The following RNFT2 variants were observed in gnomAD, a reference collection of about 807,000 sequenced individuals.
RNFT2 encodes the protein ring finger protein, transmembrane 2.
A neutral mutation model predicts 53.0 loss-of-function variants in RNFT2; 36 were observed. The observed-to-expected ratio is 0.68, with a 90% confidence interval of 0.52 to 0.90. The LOEUF is 0.90. Among genes scored for constraint, RNFT2 ranks in the 40% least tolerant of loss-of-function variants. The probability of loss-of-function intolerance (pLI) is 0.00; values close to 1 mark genes in which losing one functional copy is unlikely to be tolerated. For synonymous variants in RNFT2, 260 were observed against 253.2 expected (o/e 1.03, Z -0.26); for missense variants, 514 against 585.6 (o/e 0.88, Z 1.26).
Position 116,803,278 on chromosome 12 carries a change from GT to G in RNFT2, c.882+23934del, listed in dbSNP as rs930429055. Among the ~76,000 whole-genome samples the G allele has an allele frequency of 5.5e-4, 83 of 152,238 alleles. 1 individual carries two copies. Among genetic ancestry groups the G allele is most frequent in the African/African-American group, 1.8e-3 (76 of 41,528 alleles). ...CGACACCACCTGCCACGGGGGTGAT[GT>G]TTTATACTCTCCCTCCTCTTGTTCC... On this transcript the variant is annotated intron_variant, in intron 7 of 10. Coordinates refer to ENST00000257575, the MANE Select transcript of RNFT2 (RefSeq NM_001382266.1).
chr12:116,773,946 A>T (rs1456498469), intron 6 of RNFT2, among the ~76,000 whole-genome samples: 2 of 152,370 alleles, frequency 1.3e-5, no homozygotes, highest in South Asian at 2.1e-4. Flanking sequence ...ATGTACATAC[A>T]GTGGAATATT....
chr12:116,819,469 G>T (rs1319567716), intron 7 of RNFT2, among the ~76,000 whole-genome samples: 2 of 152,078 alleles, frequency 1.3e-5, no homozygotes, highest in Admixed American at 1.3e-4. Context: ...ATGAGATGCC[G>T]GCGCTCGCCG....
At chr12:116,767,397 T>G (rs1441970384) in intron 6 of RNFT2, among the ~76,000 whole-genome samples, 2 of 151,916 alleles carry the variant, frequency 1.3e-5, no homozygotes, top group Non-Finnish European at 2.9e-5. Context: ...TTTTACATTT[T>G]TTGTAGAGAT....
At chr12:116,788,278 G>T (rs1431989847) in intron 7 of RNFT2, among the ~76,000 whole-genome samples, 1 of 152,172 alleles carries the variant, frequency 6.6e-6, no homozygotes, top group Non-Finnish European at 1.5e-5. Context: ...GCATCCCTAT[G>T]TGGTAGATGC....
At chr12:116,786,138 T>C (rs887871551) in intron 7 of RNFT2, among the ~76,000 whole-genome samples, 8 of 151,252 alleles carry the variant, frequency 5.3e-5, no homozygotes, top group Non-Finnish European at 1.2e-4. Context: ...TTTTTTTTTT[T>C]GAGACAGAGT....
At chr12:116,739,908 T>C (rs998393489) in intron 1 of RNFT2, among the ~76,000 whole-genome samples, 2 of 152,134 alleles carry the variant, frequency 1.3e-5, no homozygotes, top group African/African-American at 4.8e-5. Context: ...TACAATACCT[T>C]AAGAGTTTCA....
At chr12:116,819,069 TCTGTAAGACACAG>T (rs1875848468) in intron 7 of RNFT2, among the ~76,000 whole-genome samples, 1 of 152,196 alleles carries the variant, frequency 6.6e-6, no homozygotes, top group African/African-American at 2.4e-5. Flanking sequence ...CGTTTCTTCG[TCTGTAAGACACAG>T]CTCCACAACT....
intron 10 of RNFT2, among the ~76,000 whole-genome samples, chr12:116,838,017 T>C (rs1052780587): frequency 6.7e-6 from 1 of 149,702 alleles, no homozygotes; most frequent in Non-Finnish European, 1.5e-5. Flanking sequence ...ACAAACATAT[T>C]TTTTTAAAAA....
chr12:116,798,854 G>A (rs1016881948), intron 7 of RNFT2, among the ~76,000 whole-genome samples: 1 of 152,026 alleles, frequency 6.6e-6, no homozygotes, highest in African/African-American at 2.4e-5. Context: ...TTACAGACAT[G>A]AGCCACTGTG....
rs762013507 is a variant in RNFT2, at chr12:116,743,213, T to TAA, written c.83+2149_83+2150dup. Among the ~76,000 whole-genome samples the TAA allele has an allele frequency of 4.8e-3, 51 of 10,658 alleles. 7 individuals are homozygous for TAA. Among genetic ancestry groups the TAA allele is most frequent in the East Asian group, 8.5e-3 (3 of 354 alleles). 7.0% of individuals were successfully genotyped at this position (10,658 alleles called of 152,430 possible). A position where few individuals can be genotyped will look rare whatever the true frequency, so the allele number is the denominator to read the frequency against. ...TGATTAATAGATACCAGGTAGAATC[T>TAA]AAAAAAAAAAAAAAAAAAAAAAAAA... On this transcript the variant is annotated intron_variant, in intron 3 of 10. Coordinates refer to ENST00000257575, the MANE Select transcript of RNFT2 (RefSeq NM_001382266.1).
intron 7 of RNFT2, among the ~76,000 whole-genome samples, chr12:116,779,882 G>A (rs1194047501): frequency 6.6e-6 from 1 of 152,184 alleles, no homozygotes; most frequent in Non-Finnish European, 1.5e-5. Context: ...GGAATGAAGA[G>A]GCCTTGGGGA....
At chr12:116,824,630 G>A (rs1363227680) in intron 7 of RNFT2, among the ~76,000 whole-genome samples, 1 of 152,194 alleles carries the variant, frequency 6.6e-6, no homozygotes, top group African/African-American at 2.4e-5. Flanking sequence ...TAAGGTGAAA[G>A]CTTCTCTGAA....
chr12:116,811,520 C>T (rs746863675), intron 7 of RNFT2, among the ~76,000 whole-genome samples: 13 of 152,044 alleles, frequency 8.6e-5, no homozygotes, highest in African/African-American at 1.4e-4. Context: ...GGATTACAGG[C>T]GCCCACCACC....
At chr12:116,845,179 G>T (rs1382004072) in intron 10 of RNFT2, among the ~76,000 whole-genome samples, 1 of 150,082 alleles carries the variant, frequency 6.7e-6, no homozygotes, top group African/African-American at 2.5e-5. Flanking sequence ...AGGAGATCAA[G>T]GCTGCTGTGA....
intron 3 of RNFT2, among the ~76,000 whole-genome samples, chr12:116,747,738 G>T (rs1250159404): frequency 6.6e-6 from 1 of 152,120 alleles, no homozygotes; most frequent in African/African-American, 2.4e-5. Context: ...GGTACATCTG[G>T]AGTCTCTTAG....
intron 7 of RNFT2, among the ~76,000 whole-genome samples, chr12:116,795,128 G>A (rs1198107493): frequency 2.0e-5 from 3 of 152,028 alleles, no homozygotes; most frequent in African/African-American, 2.4e-5. Context: ...AATGAAGGCC[G>A]GGCCCGGTGG....
rs59532955 is a variant in RNFT2 at position 116,806,745 on chromosome 12, C to CAA, written c.883-27031_883-27030dup. 1.4e-3 allele frequency among the ~76,000 whole-genome samples: 122 copies of CAA among 89,678 alleles called. 3 individuals carry two copies. Among genetic ancestry groups the CAA allele is most frequent in the Middle Eastern group, 7.5e-3 (1 of 134 alleles). 58.8% of individuals were successfully genotyped at this position (89,678 alleles called of 152,430 possible). A position where few individuals can be genotyped will look rare whatever the true frequency, so the allele number is the denominator to read the frequency against. On this transcript the variant is annotated intron_variant, in intron 7 of 10. Transcript: ENST00000257575. ...CTGAGTGATACAAGAGACCCTCTCT[C>CAA]AAAAAAAAAAAAAAAAAGCTGTTGA...
intron 5 of RNFT2, among the ~76,000 whole-genome samples, chr12:116,764,027 G>T (rs1872807185): frequency 6.6e-6 from 1 of 152,140 alleles, no homozygotes; most frequent in South Asian, 2.1e-4. Flanking sequence ...GCCATAAAAA[G>T]GAATGAATTA....
At chr12:116,832,144 A>ATATATATATAT (rs1414365866) in intron 7 of RNFT2, among the ~76,000 whole-genome samples, 6 of 52,276 alleles carry the variant, frequency 1.1e-4, no homozygotes, top group Non-Finnish European at 2.0e-4. Context: ...AAAAAAAAAA[A>ATATATATATAT]AAAAATATAT....
Sources: gnomAD v4.1 joint callset for allele counts (sites outside exome capture counted in the v4.1 genomes callset) on GRCh38, gnomAD v4.1.1 for gene constraint, MANE v1.5 for transcripts, NCBI Gene and HGNC (gene_info 2026-07-23, HGNC 2026-07-21) for gene names.